Variants in CSMD1 observed in about 807,000 individuals in gnomAD.
CSMD1 encodes CUB and sushi domain-containing protein 1.
CSMD1 carries 213 observed loss-of-function variants against 417.5 expected under a neutral mutation model. The observed-to-expected ratio is 0.51, with a 90% CI of 0.46 to 0.57. The LOEUF (loss-of-function observed/expected upper bound fraction) is 0.57. Among genes scored for constraint, CSMD1 ranks in the 20% least tolerant of loss-of-function variants. CSMD1 has a pLI of 0.00. For missense variants in CSMD1, 6,923 were observed against 4,529.7 expected, an observed-to-expected ratio of 1.53 and a Z score of -15.17; for synonymous variants, 2,862 against 1,736.8, an observed-to-expected ratio of 1.65 and a Z score of -16.11.
intron 25 of CSMD1, among the ~76,000 whole-genome samples, chr8:3,297,378 T>C (rs1273577061): frequency 4.6e-5 from 7 of 152,162 alleles, no homozygotes; most frequent in African/African-American, 1.2e-4. Flanking sequence ...GTGATCTATA[T>C]GAAGAAGAAC....
chr8:4,895,240 T>A (rs1804401732), intron 1 of CSMD1, among the ~76,000 whole-genome samples: 1 of 152,148 alleles, frequency 6.6e-6, no homozygotes, highest in African/African-American at 2.4e-5. Context: ...CTGAATCACG[T>A]TCAGAGATGA....
At chr8:3,677,068 C>T (rs900559115) in intron 7 of CSMD1, among the ~76,000 whole-genome samples, 1 of 152,044 alleles carries the variant, frequency 6.6e-6, no homozygotes, top group African/African-American at 2.4e-5. Context: ...GGCTTAAAAA[C>T]TAGACATTGG....
chr8:4,023,778 TTTTTTTG>T lies in CSMD1; in HGVS notation c.610+8120_610+8126del, dbSNP rs1444964394. 4.5e-3 allele frequency among the ~76,000 whole-genome samples: 527 copies of T among 117,812 alleles called. 32 individuals carry two copies. In the East Asian group the frequency reaches 0.14, roughly 30 times the overall value. 77.3% of individuals were successfully genotyped at this position (117,812 alleles called of 152,430 possible). ...ATTTTTTTTTTTTTTTTTTTTTTTT[TTTTTTTG>T]TGTGTGTATTTTTAGTAGAGACGGG... On this transcript the variant is annotated intron_variant, in intron 4 of 69. Transcript: ENST00000635120.
At chr8:3,971,075 G>A (rs568031981) in intron 5 of CSMD1, among the ~76,000 whole-genome samples, 2 of 152,132 alleles carry the variant, frequency 1.3e-5, no homozygotes, top group African/African-American at 2.4e-5. Flanking sequence ...ATACAAATGG[G>A]GGAGCCGATG....
At chr8:3,651,934 T>G (rs1797877181) in intron 7 of CSMD1, among the ~76,000 whole-genome samples, 1 of 150,480 alleles carries the variant, frequency 6.6e-6, no homozygotes. Context: ...CCTACCACCA[T>G]CAGTGGGCCT....
At chr8:3,771,336 G>A in intron 5 of CSMD1, among the ~76,000 whole-genome samples, 1 of 152,174 alleles carries the variant, frequency 6.6e-6, no homozygotes, top group African/African-American at 2.4e-5. Flanking sequence ...AACAGACAAA[G>A]AAGAACGCTT....
chr8:3,624,991 G>A (rs745330149), intron 7 of CSMD1, among the ~76,000 whole-genome samples: 1 of 151,974 alleles, frequency 6.6e-6, no homozygotes, highest in Non-Finnish European at 1.5e-5. Context: ...ATGTTGCCAT[G>A]GTAATCATTT....
At chr8:3,772,596 T>C (rs1194676732) in intron 5 of CSMD1, among the ~76,000 whole-genome samples, 2 of 141,434 alleles carry the variant, frequency 1.4e-5, no homozygotes, top group African/African-American at 5.3e-5. Flanking sequence ...TTTATATACA[T>C]ATATACACAT....
intron 5 of CSMD1, among the ~76,000 whole-genome samples, chr8:3,833,417 T>C (rs1180786308): frequency 3.3e-5 from 5 of 152,118 alleles, no homozygotes; most frequent in African/African-American, 7.2e-5. Flanking sequence ...TATTTTAATT[T>C]TGCCATATTT....
At chr8:3,506,383 G>C (rs552328727) in intron 10 of CSMD1, among the ~76,000 whole-genome samples, 2 of 152,294 alleles carry the variant, frequency 1.3e-5, no homozygotes, top group Admixed American at 1.3e-4. Context: ...GGAGGTAGGG[G>C]AGTAAACACG....
At chr8:3,679,997 G>T (rs916131101) in intron 7 of CSMD1, among the ~76,000 whole-genome samples, 4 of 152,020 alleles carry the variant, frequency 2.6e-5, no homozygotes, top group African/African-American at 9.7e-5. Context: ...CGAGAACAAA[G>T]ACACAACATG....
At chr8:3,638,735 G>T (rs1228825441) in intron 7 of CSMD1, among the ~76,000 whole-genome samples, 2 of 152,270 alleles carry the variant, frequency 1.3e-5, no homozygotes, top group East Asian at 1.9e-4. Context: ...GAATGTAGCT[G>T]TGAACTCAAA....
At chr8:3,734,889 G>T (rs960454055) in intron 6 of CSMD1, among the ~76,000 whole-genome samples, 2 of 152,122 alleles carry the variant, frequency 1.3e-5, no homozygotes, top group African/African-American at 4.8e-5. Flanking sequence ...CTGTACTGAA[G>T]CAATTTTCCG....
chr8:3,905,153 G>C (rs568347816), intron 5 of CSMD1, among the ~76,000 whole-genome samples: 3 of 151,946 alleles, frequency 2.0e-5, no homozygotes, highest in Non-Finnish European at 4.4e-5. Context: ...TCCATTTAAA[G>C]AATGATTAAT....
chr8:4,709,303 G>A (rs1452510471), intron 1 of CSMD1, among the ~76,000 whole-genome samples: 1 of 152,160 alleles, frequency 6.6e-6, no homozygotes, highest in African/African-American at 2.4e-5. Flanking sequence ...AGGAGGTGCT[G>A]AACTATGGAG....
At chr8:4,021,352 T>C (rs907920619) in intron 4 of CSMD1, among the ~76,000 whole-genome samples, 1 of 152,246 alleles carries the variant, frequency 6.6e-6, no homozygotes, top group Non-Finnish European at 1.5e-5. Flanking sequence ...TCATGTCACA[T>C]TTTCCGTGTC....
intron 49 of CSMD1, among the ~76,000 whole-genome samples, chr8:3,064,639 A>G (rs995032017): frequency 3.3e-5 from 5 of 152,248 alleles, no homozygotes; most frequent in African/African-American, 1.2e-4. Context: ...TGGAAGGTTG[A>G]TAAGAATGTT....
intron 12 of CSMD1, among the ~76,000 whole-genome samples, chr8:3,458,452 G>A (rs547945578): frequency 6.6e-6 from 1 of 152,234 alleles, no homozygotes. Context: ...AGACTGTCCT[G>A]AATGTCAGCA....
chr8:4,054,657 GCA>G (rs1250039049), intron 3 of CSMD1, among the ~76,000 whole-genome samples: 1 of 152,072 alleles, frequency 6.6e-6, no homozygotes, highest in Non-Finnish European at 1.5e-5. Flanking sequence ...ACAGGTCCTT[GCA>G]CAGTGTCTCA....
Sources: gnomAD v4.1 joint callset for allele counts (sites outside exome capture counted in the v4.1 genomes callset) on GRCh38, gnomAD v4.1.1 for gene constraint, MANE v1.5 for transcripts, NCBI Gene and HGNC (gene_info 2026-07-23, HGNC 2026-07-21) for gene names.